The following PILRB variants were observed in gnomAD, a reference collection of about 807,000 sequenced individuals.
The protein encoded by PILRB is paired immunoglobin like type 2 receptor beta, also known as paired immunoglobulin-like type 2 receptor beta.
PILRB carries 21 observed loss-of-function variants against 20.5 expected under a neutral mutation model. The observed-to-expected ratio is 1.02, with a 90% CI of 0.72 to 1.47. The LOEUF is 1.47. Among genes scored for constraint, PILRB ranks in the 40% most tolerant of loss-of-function variants. The probability of loss-of-function intolerance (pLI) is 0.00; values close to 1 mark genes in which losing one functional copy is unlikely to be tolerated. For missense variants in PILRB, 253 were observed against 272.1 expected (o/e 0.93, Z 0.49); for synonymous variants, 133 against 115.1 (o/e 1.16, Z -0.99).
chr7:100,358,135 C>A lies in PILRB; in HGVS notation c.-168C>A. ...GATGGATAAAGGAAGTGCTGGTCAC[C>A]CTGGAGGTGTACTGGTTTGGGGAAG... On this transcript the variant is annotated 5_prime_UTR_variant, in exon 1 of 4. Coordinates refer to ENST00000609309, the MANE Select transcript of PILRB (RefSeq NM_178238.4). 1 of 705,440 alleles carries A rather than the reference C, an allele frequency of 1.4e-6. No individual in the cohort carries two copies. The highest frequency in any genetic ancestry group is 2.5e-6 in the Non-Finnish European group (1 of 405,334). The allele number at this position is 705,440 out of a possible 1,614,324, so 43.7% of individuals were successfully genotyped here. A position where few individuals can be genotyped will look rare whatever the true frequency, so the allele number is the denominator to read the frequency against.
chr7:100,364,845 C>A (rs555557098), intron 3 of PILRB, among the ~76,000 whole-genome samples: 2 of 151,914 alleles, frequency 1.3e-5, no homozygotes, highest in Non-Finnish European at 2.9e-5. Context: ...CCAAGCTACT[C>A]GGGAAGCTGA....
chr7:100,362,473 A>G (rs1790556160), intron 3 of PILRB, among the ~76,000 whole-genome samples: 2 of 151,982 alleles, frequency 1.3e-5, no homozygotes, highest in Non-Finnish European at 2.9e-5. Context: ...GATCATCTCA[A>G]CTGATACAGA....
intron 2 of PILRB, 59 bp downstream of exon 2, chr7:100,359,138 C>T: frequency 6.2e-7 from 1 of 1,602,648 alleles, no homozygotes; most frequent in Non-Finnish European, 8.5e-7. Flanking sequence ...TTGGTGACCA[C>T]TGATGTCTTC....
At chr7:100,367,158 A>C (rs562963252) in intron 3 of PILRB, among the ~76,000 whole-genome samples, 191 bp from the exon 4 acceptor site, 88 of 152,184 alleles carry the variant, frequency 5.8e-4, no homozygotes, top group Non-Finnish European at 7.1e-4. Context: ...GGGAGTGGGG[A>C]GTACAGGTGC....
intron 3 of PILRB, among the ~76,000 whole-genome samples, chr7:100,364,256 G>C (rs1402124828): frequency 6.6e-6 from 1 of 152,170 alleles, no homozygotes; most frequent in Non-Finnish European, 1.5e-5. Context: ...ATGGTGTTGA[G>C]AAAGCTGGGT....
At position 100,359,082 on chromosome 7, in the gene PILRB, G is replaced by A. The variant is rs373519850; in HGVS notation, c.454+3G>A. 1.9e-6 allele frequency: 3 copies of A among 1,613,866 alleles called. No homozygotes were observed. The highest frequency in any genetic ancestry group is 2.5e-6 in the Non-Finnish European group (3 of 1,180,040). Reference sequence around the variant, plus strand: ...GACCAAACTCACCATCACCCAGGGTGAGTCCAGCTGCCCTGACACCTGCCT... The same window carrying A: ...GACCAAACTCACCATCACCCAGGGTAAGTCCAGCTGCCCTGACACCTGCCT... On this transcript the variant is annotated splice_donor_region_variant and intron_variant, in intron 2 of 3. Coordinates refer to ENST00000609309, the MANE Select transcript of PILRB (RefSeq NM_178238.4).
intron 3 of PILRB, among the ~76,000 whole-genome samples, chr7:100,362,726 C>G (rs1203725332): frequency 1.3e-5 from 2 of 152,022 alleles, no homozygotes; most frequent in Non-Finnish European, 2.9e-5. Context: ...CCAGGCTGGT[C>G]TCGAACTCCC....
At chr7:100,364,474 A>G (rs1257767575) in intron 3 of PILRB, among the ~76,000 whole-genome samples, 1 of 152,204 alleles carries the variant, frequency 6.6e-6, no homozygotes, top group East Asian at 1.9e-4. Flanking sequence ...TTTGTATTCT[A>G]CAGGTGAAGT....
chr7:100,358,158 A>G lies in PILRB; in HGVS notation c.-145A>G. The stretch of plus-strand genomic sequence containing the variant: ...ACCCTGGAGGTGTACTGGTTTGGGG[A>G]AGGTCCCCGGCCCCCACAGCCCTCT... On this transcript the variant is annotated 5_prime_UTR_variant, in exon 1 of 4. Transcript: ENST00000609309. 2.4e-6 allele frequency: 2 copies of G among 844,312 alleles called. No individual in the cohort carries two copies. The highest frequency in any genetic ancestry group is 3.9e-6 in the Non-Finnish European group (2 of 516,370). The allele number at this position is 844,312 out of a possible 1,614,324, so 52.3% of individuals were successfully genotyped here. A position where few individuals can be genotyped will look rare whatever the true frequency, so the allele number is the denominator to read the frequency against.
At chr7:100,362,989 A>G (rs977172910) in intron 3 of PILRB, among the ~76,000 whole-genome samples, 35 of 152,112 alleles carry the variant, frequency 2.3e-4, no homozygotes, top group Admixed American at 3.3e-4. Context: ...CACTACTTCT[A>G]TTCAACACAG....
rs1407129667 is a variant in PILRB, at chr7:100,358,983, C to T, written c.358C>T (p.Gln120Ter). Residue 120 changes from glutamine to a stop codon, truncating the protein, a stop_gained, in exon 2 of 4, where the codon CAG becomes TAG. Coordinates refer to ENST00000609309, the MANE Select transcript of PILRB (RefSeq NM_178238.4). LOFTEE classifies it high-confidence loss of function. ...GATCTCAAACCTGCGGAAGGAGGAC[C>T]AGTCTGTGTATTTCTGCCGAGTCGA... Reference protein sequence around the residue: ...LRISNLRKEDQSVYFCRVELD... With the variant: ...LRISNLRKED 2.5e-6 allele frequency: 4 copies of T among 1,613,984 alleles called. No homozygotes were observed. Among genetic ancestry groups the T allele is most frequent in the Non-Finnish European group, 3.4e-6 (4 of 1,180,026 alleles).
At position 100,358,961 on chromosome 7, in the gene PILRB, C is replaced by T. The variant is rs771884623; in HGVS notation, c.336C>T (p.Ile112=). 2.5e-6 allele frequency: 4 copies of T among 1,614,120 alleles called. No individual in the cohort carries two copies. Among genetic ancestry groups the T allele is most frequent in the African/African-American group, 2.7e-5 (2 of 74,998 alleles). Residue 112 remains isoleucine, a synonymous_variant, in exon 2 of 4, where the codon ATC becomes ATT. Transcript: ENST00000609309. ...GTCAGGAGAGCGGCTTCCTCAGGAT[C>T]TCAAACCTGCGGAAGGAGGACCAGT... ...TEGQESGFLR[I]SNLRKEDQSV...
rs756516608 is a variant in PILRB, at chr7:100,359,069, C to T, written c.444C>T (p.Thr148=). Residue 148 remains threonine (T), a synonymous_variant, in exon 2 of 4, where the codon ACC becomes ACT. Coordinates refer to ENST00000609309, the MANE Select transcript of PILRB (RefSeq NM_178238.4). ...AGTCCATCAAGGGGACCAAACTCACCATCACCCAGGGTGAGTCCAGCTGCC... is the reference window on the plus strand; with the variant it reads ...AGTCCATCAAGGGGACCAAACTCACTATCACCCAGGGTGAGTCCAGCTGCC... ...QLQSIKGTKL[T]ITQAVTTTTT... 1.2e-6 allele frequency: 2 copies of T among 1,614,122 alleles called. No individual in the cohort carries two copies. Among genetic ancestry groups the T allele is most frequent in the Non-Finnish European group, 1.7e-6 (2 of 1,180,014 alleles).
At chr7:100,366,793 TAG>T (rs1245320288) in intron 3 of PILRB, among the ~76,000 whole-genome samples, 1 of 151,508 alleles carries the variant, frequency 6.6e-6, no homozygotes, top group Non-Finnish European at 1.5e-5. Flanking sequence ...GGCTCAGCGA[TAG>T]AGGGAGCCAG....
At chr7:100,364,529 A>G (rs1366342253) in intron 3 of PILRB, among the ~76,000 whole-genome samples, 1 of 152,216 alleles carries the variant, frequency 6.6e-6, no homozygotes, top group Non-Finnish European at 1.5e-5. Flanking sequence ...GATTTATGAT[A>G]CGTACCTGCT....
At chr7:100,359,250 C>A (rs780572262) in intron 2 of PILRB, 87 bp from the exon 3 acceptor site, 67 of 1,529,892 alleles carry the variant, frequency 4.4e-5, no homozygotes, top group Non-Finnish European at 5.9e-5. Flanking sequence ...CCTGAATGTC[C>A]CCAATCTAGA....
At chr7:100,363,886 A>C (rs1790599473) in intron 3 of PILRB, among the ~76,000 whole-genome samples, 1 of 152,190 alleles carries the variant, frequency 6.6e-6, no homozygotes, top group Admixed American at 6.5e-5. Context: ...AGCTGGGTGG[A>C]TCACCTGAGA....
chr7:100,360,059 C>G (rs564078889), intron 3 of PILRB, among the ~76,000 whole-genome samples: 13 of 152,094 alleles, frequency 8.5e-5, no homozygotes, highest in Non-Finnish European at 1.8e-4. Flanking sequence ...GCCCCCAGCC[C>G]TCTCCACACA....
rs200900146 is a variant in PILRB at position 100,359,009 on chromosome 7, G to C, written c.384G>C (p.Glu128Asp). ...EDQSVYFCRV[E>D]LDTRRSGRQQ... ...AGTCTGTGTATTTCTGCCGAGTCGA[G>C]CTGGACACCCGGAGATCAGGGAGGC... is the stretch of plus-strand genomic sequence containing the variant. The change falls in exon 2 of 4, where the codon GAG becomes GAC. Residue 128 changes from glutamate (E) to aspartate (D), a missense_variant. Physicochemically the swap from Glu to Asp is conservative, Grantham distance 45 (BLOSUM62 2). Transcript: ENST00000609309. 2.7e-5 allele frequency: 44 copies of C among 1,614,146 alleles called. No individual in the cohort carries two copies. The African/African-American group carries it at 5.7e-4, about 21-fold the overall frequency.
Sources: allele counts gnomAD v4.1 joint callset (sites outside exome capture counted in the v4.1 genomes callset), GRCh38; gene constraint gnomAD v4.1.1; transcripts MANE v1.5; gene names NCBI Gene and HGNC (gene_info 2026-07-23, HGNC 2026-07-21).